The following LOC128462377 variants were observed in gnomAD, a reference collection of about 807,000 sequenced individuals.
chr16:89,381,089 G>C, the LOC128462377 span, among the ~76,000 whole-genome samples: 1 of 152,176 alleles, frequency 6.6e-6, no homozygotes, highest in African/African-American at 2.4e-5. Context: ...TTGGGAGGCC[G>C]AGGCAGGTGG....
the LOC128462377 span, among the ~76,000 whole-genome samples, chr16:89,351,881 G>C: frequency 1.3e-5 from 2 of 152,338 alleles, no homozygotes; most frequent in South Asian, 2.1e-4. Flanking sequence ...ATCTGGGTAA[G>C]CCTACGGTCT....
the LOC128462377 span, among the ~76,000 whole-genome samples, chr16:89,318,337 C>T: frequency 6.6e-6 from 1 of 152,230 alleles, no homozygotes; most frequent in Non-Finnish European, 1.5e-5. Flanking sequence ...GACACACCTA[C>T]ACACCCACAC....
the LOC128462377 span, among the ~76,000 whole-genome samples, chr16:89,388,144 A>G: frequency 2.0e-5 from 3 of 152,148 alleles, no homozygotes; most frequent in African/African-American, 7.2e-5. Context: ...AACATCATAC[A>G]TAAACATAAC....
chr16:89,381,060 G>C, the LOC128462377 span, among the ~76,000 whole-genome samples: 1 of 152,144 alleles, frequency 6.6e-6, no homozygotes, highest in Non-Finnish European at 1.5e-5. Context: ...AGGTGGCTCA[G>C]GCCTGTCATC....
At chr16:89,368,842 G>C in the LOC128462377 span, among the ~76,000 whole-genome samples, 1 of 152,174 alleles carries the variant, frequency 6.6e-6, no homozygotes, top group Non-Finnish European at 1.5e-5. Flanking sequence ...TGACGCCACA[G>C]TGAGTCCTGA....
the LOC128462377 span, among the ~76,000 whole-genome samples, chr16:89,350,927 C>T: frequency 6.6e-6 from 1 of 152,306 alleles, no homozygotes; most frequent in African/African-American, 2.4e-5. Flanking sequence ...AGCAGGGTGA[C>T]TCAGCAACAG....
At chr16:89,352,189 C>T in the LOC128462377 span, among the ~76,000 whole-genome samples, 2 of 151,990 alleles carry the variant, frequency 1.3e-5, no homozygotes, top group African/African-American at 2.4e-5. Flanking sequence ...TGCACCTGGC[C>T]GATTATCTTC....
the LOC128462377 span, chr16:89,360,458 T>G: frequency 6.6e-6 from 1 of 152,182 alleles, no homozygotes; most frequent in African/African-American, 2.4e-5. Context: ...CATAGCAAAA[T>G]TCTGAGAAAC....
chr16:89,369,413 G>A, the LOC128462377 span, among the ~76,000 whole-genome samples: 1 of 152,252 alleles, frequency 6.6e-6, no homozygotes, highest in Non-Finnish European at 1.5e-5. Context: ...GTGCTCTGAT[G>A]CCTGCTGCAG....
At chr16:89,415,840 A>AAAC in the LOC128462377 span, among the ~76,000 whole-genome samples, 10 of 144,192 alleles carry the variant, frequency 6.9e-5, no homozygotes, top group African/African-American at 2.6e-4. Context: ...AAAAAAAAAA[A>AAAC]AAAAAAAAAA....
chr16:89,393,954 T>G, the LOC128462377 span, among the ~76,000 whole-genome samples: 1 of 152,202 alleles, frequency 6.6e-6, no homozygotes, highest in East Asian at 1.9e-4. Flanking sequence ...TTGTGAGGGC[T>G]ACGAATAAGT....
chr16:89,409,888 G>A, the LOC128462377 span, among the ~76,000 whole-genome samples: 6 of 151,150 alleles, frequency 4.0e-5, no homozygotes, highest in South Asian at 1.2e-3. Context: ...CGCCCAGGCT[G>A]GAGTGTAGTG....
At chr16:89,348,120 TA>T in the LOC128462377 span, among the ~76,000 whole-genome samples, 1 of 152,036 alleles carries the variant, frequency 6.6e-6, no homozygotes, top group Non-Finnish European at 1.5e-5. Flanking sequence ...TTTGTACAGA[TA>T]GGGTTTCACC....
At chr16:89,391,015 T>C in the LOC128462377 span, among the ~76,000 whole-genome samples, 2 of 151,918 alleles carry the variant, frequency 1.3e-5, no homozygotes, top group African/African-American at 4.8e-5. Context: ...GATCACGAGG[T>C]CAGGAGATCG....
At chr16:89,379,990 C>T in the LOC128462377 span, among the ~76,000 whole-genome samples, 1 of 152,218 alleles carries the variant, frequency 6.6e-6, no homozygotes, top group Admixed American at 6.5e-5. Context: ...TTTTCTGCAT[C>T]TCCAAACCCC....
At chr16:89,318,821 C>T in the LOC128462377 span, among the ~76,000 whole-genome samples, 1 of 152,232 alleles carries the variant, frequency 6.6e-6, no homozygotes, top group African/African-American at 2.4e-5. Flanking sequence ...TCAACGTATT[C>T]ACTGCCTGAC....
chr16:89,326,096 G>A, the LOC128462377 span, among the ~76,000 whole-genome samples: 1 of 152,228 alleles, frequency 6.6e-6, no homozygotes, highest in South Asian at 2.1e-4. Context: ...CACAGAAGGC[G>A]CCAAGATACA....
chr16:89,340,615 G>A, the LOC128462377 span, among the ~76,000 whole-genome samples: 9 of 152,164 alleles, frequency 5.9e-5, no homozygotes, highest in Non-Finnish European at 1.3e-4. Context: ...GTTAGACAAG[G>A]GGAAACAGTA....
the LOC128462377 span, chr16:89,360,870 T>G: frequency 6.6e-6 from 1 of 152,292 alleles, no homozygotes; most frequent in African/African-American, 2.4e-5. Flanking sequence ...CCTCTCTGCA[T>G]GTGGTTAAGA....
Sources: allele counts gnomAD v4.1 joint callset (sites outside exome capture counted in the v4.1 genomes callset), GRCh38; gene constraint gnomAD v4.1.1; transcripts MANE v1.5.